The following ARHGEF16 variants were observed in gnomAD, a reference collection of about 807,000 sequenced individuals.
ARHGEF16 encodes the protein Rho guanine exchange factor (GEF) 16.
ARHGEF16 carries 59 observed loss-of-function variants against 74.1 expected under a neutral mutation model. That is an observed-to-expected ratio of 0.80 (90% CI 0.65 to 0.99). The LOEUF is 0.99. Among genes scored for constraint, ARHGEF16 ranks in the 50% least tolerant of loss-of-function variants. The pLI is 0.00. For missense variants in ARHGEF16, 948 were observed against 986.6 expected, an observed-to-expected ratio of 0.96 and a Z score of 0.52; for synonymous variants, 415 against 412.6, an observed-to-expected ratio of 1.01 and a Z score of -0.07.
At position 3,469,467 on chromosome 1, in the gene ARHGEF16, A is replaced by C; in HGVS notation, c.896A>C (p.Tyr299Ser). Residue 299 changes from tyrosine (Y) to serine (S), a missense_variant, in exon 6 of 15, where the codon TAC becomes TCC. Tyr to Ser is a moderately radical substitution (Grantham distance 144). Transcript: ENST00000378378. ...MFEILTSEFS[Y>S]QHSLSILVEE... ...GAGATCCTCACGTCGGAGTTCTCCT[A>C]CCAGCACAGCCTGAGCATCCTGGTG... 1 of 1,613,010 alleles carries C rather than the reference A, an allele frequency of 6.2e-7. No individual in the cohort carries two copies. The highest frequency in any genetic ancestry group is 8.5e-7 in the Non-Finnish European group (1 of 1,179,962).
intron 6 of ARHGEF16, among the ~76,000 whole-genome samples, chr1:3,471,309 G>C (rs889909921): frequency 6.6e-6 from 1 of 152,086 alleles, no homozygotes; most frequent in Non-Finnish European, 1.5e-5. Flanking sequence ...GGGGCCTGTA[G>C]TGCCTGGCAC....
In ARHGEF16 at chr1:3,477,981, A is replaced by T; in HGVS notation, c.1580A>T (p.Tyr527Phe). The change falls in exon 11 of 15, where the codon TAC becomes TTC. Residue 527 changes from tyrosine to phenylalanine, a missense_variant. By Grantham distance (22) the Tyr-to-Phe change is conservative. Transcript: ENST00000378378. ...AAAATTGCCAGCCGGCCAACGTGCT[A>T]CCTTTTCCTGTTCAACGATGTCCTG... ...FRKIASRPTC[Y>F]LFLFNDVLVV... is the part of the protein sequence containing the mutation. The T allele has an allele frequency of 6.2e-7, 1 of 1,612,666 alleles. No individual in the cohort carries two copies. The highest frequency in any genetic ancestry group is 8.5e-7 in the Non-Finnish European group (1 of 1,179,884).
At chr1:3,471,972 G>A (rs549093099) in intron 6 of ARHGEF16, among the ~76,000 whole-genome samples, 1 of 152,364 alleles carries the variant, frequency 6.6e-6, no homozygotes, top group Non-Finnish European at 1.5e-5. Flanking sequence ...TCCATCTGCT[G>A]GGGATTCTCA....
intron 2 of ARHGEF16, among the ~76,000 whole-genome samples, chr1:3,464,033 A>C (rs1639476836): frequency 6.6e-6 from 1 of 152,192 alleles, no homozygotes; most frequent in Admixed American, 6.5e-5. Context: ...ACCTGGCTGC[A>C]GTGACTGGCC....
intron 4 of ARHGEF16, among the ~76,000 whole-genome samples, chr1:3,468,380 G>A (rs1351122092): frequency 2.0e-5 from 3 of 152,186 alleles, no homozygotes; most frequent in South Asian, 2.1e-4. Context: ...TCTACCAATC[G>A]AGCCACACTC....
At chr1:3,472,920 G>C (rs898757655) in intron 6 of ARHGEF16, 158 bp from the exon 7 acceptor site, 224 of 165,748 alleles carry the variant, frequency 1.4e-3, no homozygotes, top group South Asian at 9.1e-3. Context: ...TCCGGGTCCC[G>C]CCCCAAGTGC....
In ARHGEF16 at chr1:3,478,435, A is replaced by G. The variant is rs777401029; in HGVS notation, c.1637A>G (p.Tyr546Cys). 33 of 1,602,218 alleles carry G rather than the reference A, an allele frequency of 2.1e-5. No individual in the cohort carries two copies. In the South Asian group the frequency reaches 2.8e-4, roughly 13 times the overall value. The part of the protein sequence containing the change: ...VVTKKKSEES[Y>C]MVQDYAQMNH... Reference sequence around the variant, plus strand: ...CCGTGTCTCCACAGCGAGGAGAGCTACATGGTCCAGGACTACGCCCAGATG... The same window carrying G: ...CCGTGTCTCCACAGCGAGGAGAGCTGCATGGTCCAGGACTACGCCCAGATG... Residue 546 changes from tyrosine (Y) to cysteine (C), a missense_variant, in exon 12 of 15, where the codon TAC (tyrosine) becomes TGC (cysteine). Physicochemically the swap from Tyr to Cys is radical, Grantham distance 194 (BLOSUM62 -2). Transcript: ENST00000378378.
Position 3,473,088 on chromosome 1 carries a change from G to A in ARHGEF16, c.1033G>A (p.Asp345Asn). 3.1e-6 allele frequency: 5 copies of A among 1,612,902 alleles called. No individual in the cohort carries two copies. The highest frequency in any genetic ancestry group is 2.5e-6 in the Non-Finnish European group (3 of 1,179,736). Residue 345 changes from aspartate (D) to asparagine (N), a missense_variant, in exon 7 of 15, where the codon GAC becomes AAC. By Grantham distance (23) the Asp-to-Asn change is conservative. Transcript: ENST00000378378. Reference protein sequence around the residue: ...VLGASQRFFEDLEQRHKAQVL... With the variant: ...VLGASQRFFENLEQRHKAQVL... ...CCTCCTTGCCTTCAGGTTCTTCGAGGACCTGGAGCAGCGGCACAAGGCCCA... is the reference window on the plus strand; with the variant it reads ...CCTCCTTGCCTTCAGGTTCTTCGAGAACCTGGAGCAGCGGCACAAGGCCCA...
At chr1:3,476,112 C>A in intron 10 of ARHGEF16, 50 bp downstream of exon 10, 1 of 1,529,332 alleles carries the variant, frequency 6.5e-7, no homozygotes, top group South Asian at 1.2e-5. Flanking sequence ...CCACTCAGCC[C>A]TCCCTGCTGG....
chr1:3,459,315 C>T (rs1157247445), intron 1 of ARHGEF16, among the ~76,000 whole-genome samples: 1 of 152,200 alleles, frequency 6.6e-6, no homozygotes, highest in African/African-American at 2.4e-5. Context: ...AGAAAGAGAT[C>T]GGGACATTGG....
chr1:3,456,699 G>T (rs1221713963), intron 1 of ARHGEF16, among the ~76,000 whole-genome samples: 3 of 152,234 alleles, frequency 2.0e-5, no homozygotes, highest in Non-Finnish European at 4.4e-5. Context: ...GTCCTACAGC[G>T]GGTGAACGGG....
chr1:3,480,609 G>A lies in ARHGEF16; in HGVS notation c.*22G>A, dbSNP rs1469988772. Reference sequence around the variant, plus strand: ...GTAGCCCTGGCGAGGCCAGCCGGCGGCAGCACAGCCTGTCTCCAATCAGCA... The same window carrying A: ...GTAGCCCTGGCGAGGCCAGCCGGCGACAGCACAGCCTGTCTCCAATCAGCA... On this transcript the variant is annotated 3_prime_UTR_variant, in exon 15 of 15. Transcript: ENST00000378378. 2 of 1,599,236 alleles carry A rather than the reference G, an allele frequency of 1.3e-6. No homozygotes were observed. Among genetic ancestry groups the A allele is most frequent in the Admixed American group, 3.3e-5 (2 of 59,886 alleles).
At chr1:3,477,131 C>T (rs572527879) in intron 10 of ARHGEF16, among the ~76,000 whole-genome samples, 37 of 151,566 alleles carry the variant, frequency 2.4e-4, no homozygotes, top group East Asian at 9.9e-4. Context: ...CGGGAGGTGC[C>T]GGGGGCTCTG....
At chr1:3,468,405 C>T (rs1455820813) in intron 4 of ARHGEF16, 2 of 194,686 alleles carry the variant, frequency 1.0e-5, no homozygotes, top group Non-Finnish European at 1.1e-5. Context: ...CAAGGCGACC[C>T]GCCAGCTGTG....
chr1:3,470,509 G>A (rs1639678874), intron 6 of ARHGEF16, among the ~76,000 whole-genome samples: 1 of 151,624 alleles, frequency 6.6e-6, no homozygotes, highest in Non-Finnish European at 1.5e-5. Context: ...GCACAGGCAG[G>A]GATGTGTGTG....
chr1:3,470,259 G>GGGGTGTGTATGCATGGGCAA (rs1194482657), intron 6 of ARHGEF16, among the ~76,000 whole-genome samples: 7 of 152,036 alleles, frequency 4.6e-5, no homozygotes, highest in Non-Finnish European at 8.8e-5. Context: ...TGTGGGGGCA[G>GGGGTGTGTATGCATGGGCAA]GGGTGTGTAT....
chr1:3,479,595 G>C lies in ARHGEF16; in HGVS notation c.1888+5G>C. Reference sequence around the variant, plus strand: ...AGGGCCTCTCCAGCAAAGGAGGTGAGTGCGGGCTGGGGCCTGCAGGGCTGG... The same window carrying C: ...AGGGCCTCTCCAGCAAAGGAGGTGACTGCGGGCTGGGGCCTGCAGGGCTGG... On this transcript the variant is annotated splice_donor_5th_base_variant and intron_variant, in intron 13 of 14. Transcript: ENST00000378378. 6.2e-7 allele frequency: 1 copy of C among 1,610,586 alleles called. No individual in the cohort carries two copies. The highest frequency in any genetic ancestry group is 8.5e-7 in the Non-Finnish European group (1 of 1,179,050).
intron 1 of ARHGEF16, among the ~76,000 whole-genome samples, chr1:3,459,489 A>G (rs1304062782): frequency 1.3e-5 from 2 of 152,172 alleles, no homozygotes; most frequent in Non-Finnish European, 2.9e-5. Flanking sequence ...TTCCTGGGAC[A>G]GTGCCTGGGG....
At chr1:3,457,121 C>T (rs928233610) in intron 1 of ARHGEF16, among the ~76,000 whole-genome samples, 2 of 152,248 alleles carry the variant, frequency 1.3e-5, no homozygotes, top group African/African-American at 2.4e-5. Flanking sequence ...AGAGCCAAAT[C>T]CCTGGCCACC....
Sources: gnomAD v4.1 joint callset for allele counts (sites outside exome capture counted in the v4.1 genomes callset) on GRCh38, gnomAD v4.1.1 for gene constraint, MANE v1.5 for transcripts, NCBI Gene and HGNC (gene_info 2026-07-23, HGNC 2026-07-21) for gene names.